Variants in EML5 observed in about 807,000 individuals in gnomAD.
EML5 encodes the protein echinoderm microtubule-associated protein-like 5.
EML5 carries 120 observed loss-of-function variants against 250.0 expected under a neutral mutation model. That is an observed-to-expected ratio of 0.48 (90% CI 0.41 to 0.56). The LOEUF is 0.56. Ranked by LOEUF, EML5 falls within the 20% of genes least tolerant of loss-of-function variation. The pLI, the probability that EML5 is intolerant of heterozygous loss-of-function variation, is 0.00. For synonymous variants in EML5, 771 were observed against 806.5 expected, an observed-to-expected ratio of 0.96 and a Z score of 0.75; for missense variants, 2,006 against 2,437.6, an observed-to-expected ratio of 0.82 and a Z score of 3.73.
At chr14:88,666,049 G>A (rs2092299098) in intron 21 of EML5, among the ~76,000 whole-genome samples, 1 of 152,138 alleles carries the variant, frequency 6.6e-6, no homozygotes, top group African/African-American at 2.4e-5. Flanking sequence ...ACTCACTTCT[G>A]AATACAACAA....
chr14:88,667,536 TG>T (rs1229877786), intron 21 of EML5, among the ~76,000 whole-genome samples: 1 of 152,218 alleles, frequency 6.6e-6, no homozygotes, highest in East Asian at 1.9e-4. Flanking sequence ...ATGTGGATCC[TG>T]ACTAGCCAGA....
At chr14:88,690,702 C>A (rs182823473) in intron 17 of EML5, among the ~76,000 whole-genome samples, 2 of 151,994 alleles carry the variant, frequency 1.3e-5, no homozygotes, top group Non-Finnish European at 2.9e-5. Context: ...TTTAAGATGG[C>A]GAAATCACAT....
At position 88,661,973 on chromosome 14, in the gene EML5, G is replaced by A. The variant is rs371256970; in HGVS notation, c.3499-143C>T. ...TGAAAAAATAGTTAAATTATTAGTT[G>A]TCTTGGTTTTGTAACTCCCCAGAGC... On this transcript the variant is annotated intron_variant, in intron 24 of 43. Transcript: ENST00000554922. 4.9e-6 allele frequency: 4 copies of A among 811,370 alleles called. No homozygotes were observed. In the East Asian group the frequency reaches 8.1e-5, roughly 16 times the overall value. 50.3% of individuals were successfully genotyped at this position (811,370 alleles called of 1,614,324 possible).
intron 9 of EML5, among the ~76,000 whole-genome samples, chr14:88,713,310 T>C (rs2093435197): frequency 6.6e-6 from 1 of 151,830 alleles, no homozygotes; most frequent in Non-Finnish European, 1.5e-5. Flanking sequence ...GAGAATCACC[T>C]GAACCTGGGA....
intron 3 of EML5, 130 bp downstream of exon 3, chr14:88,746,055 C>T: frequency 1.5e-6 from 1 of 649,148 alleles, no homozygotes; most frequent in East Asian, 2.9e-5. Flanking sequence ...CAATTATTTA[C>T]CAATTGTAAA....
At chr14:88,707,532 T>C (rs1022356291) in intron 10 of EML5, among the ~76,000 whole-genome samples, 2 of 152,096 alleles carry the variant, frequency 1.3e-5, no homozygotes, top group African/African-American at 4.8e-5. Context: ...TTAGCTTCCT[T>C]TTGATATTGT....
intron 4 of EML5, among the ~76,000 whole-genome samples, chr14:88,742,008 G>A (rs1234919884): frequency 6.6e-6 from 1 of 151,890 alleles, no homozygotes; most frequent in Non-Finnish European, 1.5e-5. Flanking sequence ...CTTTCAGCAT[G>A]TCCTAATTTG....
At chr14:88,707,270 TTTTATTTATTTATTTA>T (rs36057410) in intron 10 of EML5, among the ~76,000 whole-genome samples, 12 of 145,576 alleles carry the variant, frequency 8.2e-5, no homozygotes, top group Middle Eastern at 3.5e-3. Context: ...TAGGGATATA[TTTTATTTATTTATTTA>T]TTTATTTATT....
chr14:88,759,698 A>AAAACAAAAAAAAAAC lies in EML5; in HGVS notation c.198-5028_198-5027insGTTTTTTTTTTGTTT, dbSNP rs1555374466. Among the ~76,000 whole-genome samples the AAAACAAAAAAAAAAC allele has an allele frequency of 8.0e-3, 1,134 of 142,194 alleles. 17 individuals carry two copies. The highest frequency in any genetic ancestry group is 0.029 in the Middle Eastern group (8 of 274). The allele number at this position is 142,194 out of a possible 152,430, so 93.3% of individuals were successfully genotyped here. ...GTCACCATCTCTTAAAAAAAAAAAAAAAAAAACTGGGGAGAAAAACTATGC... is the reference window on the plus strand; with the variant it reads ...GTCACCATCTCTTAAAAAAAAAAAAAAAACAAAAAAAAAACAAAAAACTGGGGAGAAAAACTATGC... On this transcript the variant is annotated intron_variant, in intron 1 of 43. Coordinates refer to ENST00000554922, the MANE Select transcript of EML5 (RefSeq NM_183387.3).
intron 7 of EML5, among the ~76,000 whole-genome samples, chr14:88,733,850 G>A (rs905900947): frequency 2.6e-5 from 4 of 152,046 alleles, no homozygotes; most frequent in Non-Finnish European, 4.4e-5. Context: ...CTAATGTACT[G>A]GAAGAATATA....
intron 21 of EML5, among the ~76,000 whole-genome samples, chr14:88,679,297 C>T (rs2092666647): frequency 6.6e-6 from 1 of 151,574 alleles, no homozygotes; most frequent in South Asian, 2.1e-4. Context: ...ACAACAAATA[C>T]AATAGTAATG....
chr14:88,696,057 A>C (rs1283795695), intron 15 of EML5, among the ~76,000 whole-genome samples: 1 of 151,860 alleles, frequency 6.6e-6, no homozygotes, highest in Non-Finnish European at 1.5e-5. Context: ...ATTTTACCAC[A>C]CTTTGCAAGT....
At chr14:88,790,539 G>A (rs1490181343) in intron 1 of EML5, among the ~76,000 whole-genome samples, 1 of 152,128 alleles carries the variant, frequency 6.6e-6, no homozygotes, top group Non-Finnish European at 1.5e-5. Flanking sequence ...TCTAGTTTCA[G>A]AAGACCTTAG....
At chr14:88,676,448 G>A (rs916473094) in intron 21 of EML5, among the ~76,000 whole-genome samples, 6 of 152,178 alleles carry the variant, frequency 3.9e-5, no homozygotes, top group Admixed American at 3.9e-4. Context: ...GAACAGCACG[G>A]GAAAGACCTG....
intron 2 of EML5, among the ~76,000 whole-genome samples, chr14:88,748,513 T>A (rs916848316): frequency 6.6e-6 from 1 of 152,180 alleles, no homozygotes; most frequent in Non-Finnish European, 1.5e-5. Flanking sequence ...AAGATGAAAC[T>A]GATTCATGAG....
chr14:88,753,941 C>T (rs1346098126), intron 2 of EML5, among the ~76,000 whole-genome samples: 1 of 151,828 alleles, frequency 6.6e-6, no homozygotes, highest in East Asian at 1.9e-4. Flanking sequence ...AAGTTTGAGA[C>T]CAGCCTGGGC....
chr14:88,686,635 G>T (rs914538936), intron 19 of EML5, among the ~76,000 whole-genome samples: 2 of 151,988 alleles, frequency 1.3e-5, no homozygotes, highest in African/African-American at 4.8e-5. Context: ...AACATAGAGG[G>T]ACCCTGGCTG....
chr14:88,780,019 G>A (rs998057382), intron 1 of EML5, among the ~76,000 whole-genome samples: 9 of 151,720 alleles, frequency 5.9e-5, no homozygotes, highest in East Asian at 1.9e-4. Flanking sequence ...GTGCAATCTC[G>A]GCTCACTCTG....
In EML5 at chr14:88,706,204, G is replaced by T. The variant is rs540438625; in HGVS notation, c.1825+55C>A. On this transcript the variant is annotated intron_variant, in intron 11 of 43. Transcript: ENST00000554922. ...CTTTAATATAAAATTGTTATTTGGG[G>T]GTTACTGAAGAATTATTTGACAGGG... 4.8e-6 allele frequency: 7 copies of T among 1,452,934 alleles called. No homozygotes were observed. The East Asian group carries it at 1.2e-4, about 25-fold the overall frequency. 90.0% of individuals were successfully genotyped at this position (1,452,934 alleles called of 1,614,324 possible).
Sources: allele counts gnomAD v4.1 joint callset (sites outside exome capture counted in the v4.1 genomes callset), GRCh38; gene constraint gnomAD v4.1.1; transcripts MANE v1.5; gene names NCBI Gene and HGNC (gene_info 2026-07-23, HGNC 2026-07-21).